The following LRRC4C variants were observed in gnomAD, a reference collection of about 807,000 sequenced individuals.
The protein encoded by LRRC4C is leucine rich repeat containing 4C, also known as leucine-rich repeat-containing protein 4C.
In LRRC4C, 5 loss-of-function variants were observed where a neutral mutation model predicts 33.6. The observed-to-expected ratio is 0.15, with a 90% CI of 0.08 to 0.31. The LOEUF (loss-of-function observed/expected upper bound fraction) is 0.31. Among genes scored for constraint, LRRC4C ranks in the 10% least tolerant of loss-of-function variants. The pLI, the probability that LRRC4C is intolerant of heterozygous loss-of-function variation, is 1.00. For synonymous variants in LRRC4C, 329 were observed against 302.0 expected, an observed-to-expected ratio of 1.09 and a Z score of -0.93; for missense variants, 560 against 796.7, an observed-to-expected ratio of 0.70 and a Z score of 3.58.
At chr11:41,263,903 TG>T (rs1192639363) in intron 1 of LRRC4C, among the ~76,000 whole-genome samples, 1 of 151,972 alleles carries the variant, frequency 6.6e-6, no homozygotes, top group Admixed American at 6.6e-5. Context: ...GACTTAAGAT[TG>T]GGGGAAGATA....
chr11:40,506,332 TGTGTGG>T lies in LRRC4C; in HGVS notation c.-270+141804_-270+141809del, dbSNP rs1402502839. Among the ~76,000 whole-genome samples, 8 of 152,306 alleles carry T rather than the reference TGTGTGG, an allele frequency of 5.3e-5. No homozygotes were observed. In the East Asian group the frequency reaches 1.2e-3, roughly 22 times the overall value. On this transcript the variant is annotated intron_variant, in intron 3 of 6. Transcript: ENST00000528697. The stretch of plus-strand genomic sequence containing the variant: ...CAAGAGCTAGCAGACCATATGCAGC[TGTGTGG>T]CTTTTCACATGAACAGAAATCTTAA...
At chr11:40,224,207 C>T (rs1273328499) in intron 5 of LRRC4C, among the ~76,000 whole-genome samples, 6 of 152,206 alleles carry the variant, frequency 3.9e-5, no homozygotes, top group African/African-American at 1.4e-4. Context: ...CTGTCAAATA[C>T]TCAATAGCCT....
intron 3 of LRRC4C, among the ~76,000 whole-genome samples, chr11:40,472,048 C>A (rs1349086022): frequency 2.0e-5 from 3 of 152,086 alleles, no homozygotes. Context: ...GTAATCCCAG[C>A]ACTTTGGGAG....
chr11:40,720,389 G>T (rs774408858), intron 2 of LRRC4C, among the ~76,000 whole-genome samples: 2 of 152,110 alleles, frequency 1.3e-5, no homozygotes, highest in African/African-American at 2.4e-5. Context: ...ATGACAAAAC[G>T]AAAACAGCTC....
intron 3 of LRRC4C, among the ~76,000 whole-genome samples, chr11:40,373,836 C>T (rs1948556638): frequency 6.6e-6 from 1 of 152,156 alleles, no homozygotes; most frequent in African/African-American, 2.4e-5. Flanking sequence ...CAAGTTAAAG[C>T]TCCCCCAGTC....
intron 3 of LRRC4C, among the ~76,000 whole-genome samples, chr11:40,541,610 C>T (rs1458221600): frequency 1.3e-5 from 2 of 152,124 alleles, no homozygotes; most frequent in African/African-American, 4.8e-5. Context: ...AAAAGGCTAG[C>T]TAGTTGCATC....
intron 2 of LRRC4C, among the ~76,000 whole-genome samples, chr11:40,772,068 G>C (rs1053734142): frequency 2.0e-5 from 3 of 152,094 alleles, no homozygotes; most frequent in Non-Finnish European, 4.4e-5. Flanking sequence ...TACTGTATTA[G>C]TCCGTTCTCA....
At position 41,135,316 on chromosome 11, in the gene LRRC4C, G is replaced by A. The variant is rs900268236; in HGVS notation, c.-495-201593C>T. 3.9e-5 allele frequency among the ~76,000 whole-genome samples: 6 copies of A among 152,114 alleles called. No individual in the cohort carries two copies. The South Asian group carries it at 8.3e-4, about 21-fold the overall frequency. ...AGGGGCAAAACAATAAAAAACAGAC[G>A]TGCTAGACAAAGAAAGTGAAATTTA... On this transcript the variant is annotated intron_variant, in intron 1 of 6. Transcript: ENST00000528697.
At chr11:40,430,804 G>A (rs1010198125) in intron 3 of LRRC4C, among the ~76,000 whole-genome samples, 5 of 151,570 alleles carry the variant, frequency 3.3e-5, no homozygotes, top group Non-Finnish European at 5.9e-5. Context: ...GTAGGGACAT[G>A]GATGAAATTG....
At chr11:41,322,338 T>C (rs544047611) in intron 1 of LRRC4C, among the ~76,000 whole-genome samples, 5 of 152,230 alleles carry the variant, frequency 3.3e-5, no homozygotes, top group Non-Finnish European at 7.4e-5. Flanking sequence ...TACCACTAAT[T>C]TGTATAGGTT....
chr11:40,756,258 G>T (rs10742556), intron 2 of LRRC4C, among the ~76,000 whole-genome samples: 117,290 of 151,970 alleles, frequency 0.77, 45,415 homozygotes, highest in Middle Eastern at 0.85. Context: ...GTCTTTTGTT[G>T]TGGCAGCCCT....
At chr11:40,139,609 A>G (rs1048778730) in intron 6 of LRRC4C, among the ~76,000 whole-genome samples, 13 of 152,136 alleles carry the variant, frequency 8.5e-5, no homozygotes, top group African/African-American at 2.9e-4. Context: ...CCTCATGCCA[A>G]TTATACCCCC....
At chr11:40,999,115 C>T (rs988346969) in intron 1 of LRRC4C, among the ~76,000 whole-genome samples, 2 of 152,076 alleles carry the variant, frequency 1.3e-5, no homozygotes, top group Non-Finnish European at 1.5e-5. Context: ...GTCCTTGTCA[C>T]CCCTGCTGCG....
At chr11:41,445,427 C>G (rs1240897590) in intron 1 of LRRC4C, among the ~76,000 whole-genome samples, 1 of 152,000 alleles carries the variant, frequency 6.6e-6, no homozygotes, top group African/African-American at 2.4e-5. Context: ...CGTGAGATAG[C>G]AAGTGATTTT....
chr11:40,991,269 C>G (rs355238), intron 1 of LRRC4C, among the ~76,000 whole-genome samples: 2 of 149,170 alleles, frequency 1.3e-5, no homozygotes, highest in Admixed American at 1.3e-4. Flanking sequence ...ATTTTTAATA[C>G]TGTATAATAA....
intron 3 of LRRC4C, among the ~76,000 whole-genome samples, chr11:40,574,944 G>T (rs1958127920): frequency 1.3e-5 from 2 of 152,156 alleles, no homozygotes; most frequent in Admixed American, 1.3e-4. Flanking sequence ...GATAGCCAGA[G>T]TGTTGTCTAA....
chr11:40,555,222 A>T (rs1394610328), intron 3 of LRRC4C, among the ~76,000 whole-genome samples: 5 of 151,978 alleles, frequency 3.3e-5, no homozygotes, highest in Non-Finnish European at 7.4e-5. Context: ...TCCTTTTTCT[A>T]TTTCACTGCC....
chr11:40,653,491 G>A (rs1259519745), intron 2 of LRRC4C, among the ~76,000 whole-genome samples: 1 of 152,172 alleles, frequency 6.6e-6, no homozygotes, highest in African/African-American at 2.4e-5. Context: ...TTGAACTTGA[G>A]AGAGATGATT....
intron 3 of LRRC4C, among the ~76,000 whole-genome samples, chr11:40,509,936 G>A (rs1205947432): frequency 6.6e-6 from 1 of 152,106 alleles, no homozygotes; most frequent in African/African-American, 2.4e-5. Context: ...CATGGCAGCG[G>A]AGGGAGGCAG....
Sources: allele counts gnomAD v4.1 joint callset (sites outside exome capture counted in the v4.1 genomes callset), GRCh38; gene constraint gnomAD v4.1.1; transcripts MANE v1.5; gene names NCBI Gene and HGNC (gene_info 2026-07-23, HGNC 2026-07-21).